SLC4A11: variants seen among roughly 807,000 people sequenced by gnomAD.
SLC4A11 encodes solute carrier family 4 member 11.
In SLC4A11, 74 loss-of-function variants were observed where a neutral mutation model predicts 95.0. The ratio of observed to expected loss-of-function variants is 0.78; its 90% confidence interval spans 0.65 to 0.95. The LOEUF (loss-of-function observed/expected upper bound fraction) is 0.95. SLC4A11 is among the 40% of genes least tolerant of loss of function. SLC4A11 has a pLI of 0.00. For synonymous variants in SLC4A11, 548 were observed against 519.0 expected (o/e 1.06, Z -0.76); for missense variants, 1,081 against 1,192.4 (o/e 0.91, Z 1.38).
intron 1 of SLC4A11, chr20:3,237,933 C>T (rs962276732): frequency 3.2e-6 from 5 of 1,550,632 alleles, no homozygotes; most frequent in Non-Finnish European, 3.5e-6. Flanking sequence ...AACCCTGCCC[C>T]GCTGCAGCGA....
At chr20:3,235,325 A>T (rs892281997) in intron 2 of SLC4A11, among the ~76,000 whole-genome samples, 134 of 148,290 alleles carry the variant, frequency 9.0e-4, no homozygotes, top group Admixed American at 1.9e-3. Flanking sequence ...ACACACACAC[A>T]CACACACACA....
rs545561119 is a variant in SLC4A11 at position 3,233,690 on chromosome 20, C to G, written c.606-53G>C. On this transcript the variant is annotated intron_variant, in intron 6 of 19. Transcript: ENST00000642402. Reference sequence around the variant, plus strand: ...ACAGTTGCACCCCAGGGAGCTGGGGCTCCCCGACCCAGAACCCCCTCGACC... The same window carrying G: ...ACAGTTGCACCCCAGGGAGCTGGGGGTCCCCGACCCAGAACCCCCTCGACC... 4.4e-6 allele frequency: 7 copies of G among 1,604,794 alleles called. No homozygotes were observed. In the East Asian group the frequency reaches 8.9e-5, roughly 20 times the overall value.
chr20:3,233,638 C>G lies in SLC4A11; in HGVS notation c.606-1G>C. On this transcript the variant is annotated splice_acceptor_variant, in intron 6 of 19. Transcript: ENST00000642402. LOFTEE classifies it high-confidence loss of function. Reference sequence around the variant, plus strand: ...CTTCTGTAGGGCCTTCATGGTACAGCTGGCAGGGGCGGGGAGGACACAGTG... The same window carrying G: ...CTTCTGTAGGGCCTTCATGGTACAGGTGGCAGGGGCGGGGAGGACACAGTG... The G allele has an allele frequency of 6.2e-7, 1 of 1,612,268 alleles. No individual in the cohort carries two copies. The highest frequency in any genetic ancestry group is 8.5e-7 in the Non-Finnish European group (1 of 1,180,000).
At chr20:3,228,050 T>C in intron 19 of SLC4A11, among the ~76,000 whole-genome samples, 194 bp from the exon 20 acceptor site, 1 of 104,724 alleles carries the variant, frequency 9.5e-6, no homozygotes, top group Non-Finnish European at 2.0e-5. Flanking sequence ...CCGCCCACTC[T>C]CCACCTCTAG....
Position 3,234,979 on chromosome 20 carries a change from C to T in SLC4A11, c.89-85G>A. On this transcript the variant is annotated intron_variant, in intron 2 of 19. Coordinates refer to ENST00000642402, the MANE Select transcript of SLC4A11 (RefSeq NM_001174089.2). The surrounding 1 kb of genome is among the most constrained non-coding windows in gnomAD (Gnocchi z 5.8). Reference sequence around the variant, plus strand: ...GGCTCCAAGCCCAGGGAGCAGGGACCCCTGGACTGTCCCACTCTCGGGCCG... The same window carrying T: ...GGCTCCAAGCCCAGGGAGCAGGGACTCCTGGACTGTCCCACTCTCGGGCCG... 6.4e-7 allele frequency: 1 copy of T among 1,561,648 alleles called. No homozygotes were observed. The highest frequency in any genetic ancestry group is 8.8e-7 in the Non-Finnish European group (1 of 1,136,790).
intron 13 of SLC4A11, 96 bp from the exon 14 acceptor site, chr20:3,229,872 G>A (rs1419502413): frequency 3.2e-6 from 5 of 1,551,348 alleles, no homozygotes; most frequent in Non-Finnish European, 4.4e-6. Flanking sequence ...GCTCCAGGGG[G>A]AAGGTGAGGG....
Position 3,228,494 on chromosome 20 carries a change from G to A in SLC4A11, c.2388+18C>T, listed in dbSNP as rs777119648. The stretch of plus-strand genomic sequence containing the variant: ...GTGTCCCCACCCACGCCACTCCCTC[G>A]CAGGGCCAAGCGCTCACCTGCTCCT... On this transcript the variant is annotated intron_variant, in intron 18 of 19. Transcript: ENST00000642402. The A allele has an allele frequency of 2.6e-5, 42 of 1,612,828 alleles. No individual in the cohort carries two copies. Among genetic ancestry groups the A allele is most frequent in the Middle Eastern group, 1.6e-4 (1 of 6,082 alleles).
In SLC4A11 at chr20:3,234,894, C is replaced by A. The variant is rs749897720; in HGVS notation, c.89G>T (p.Ser30Ile). The change falls in exon 3 of 20, where the codon AGC becomes ATC. Residue 30 changes from serine (S) to isoleucine (I), a missense_variant and splice_region_variant. By Grantham distance (142) the Ser-to-Ile change is moderately radical. Transcript: ENST00000642402. This position sits in a 1 kb window ranked among gnomAD's most constrained non-coding sequence, Gnocchi z 5.8. ...MSQNGYFEDS[S>I]YYKCDTDDTF... is the part of the protein sequence containing the mutation. ...GTCATCTGTGTCACACTTGTAGTAG[C>A]CTAGAGACCCCCAAGAGCAAGAGGG... The A allele has an allele frequency of 1.4e-5, 23 of 1,613,716 alleles. No individual in the cohort carries two copies. The Admixed American group carries it at 3.8e-4, about 27-fold the overall frequency.
intron 1 of SLC4A11, chr20:3,238,137 T>TCC: frequency 6.9e-7 from 1 of 1,446,790 alleles, no homozygotes; most frequent in Non-Finnish European, 9.1e-7. Context: ...CGGTCTCCAG[T>TCC]CCTGGGACCG....
In SLC4A11 at chr20:3,234,731, A is replaced by G; in HGVS notation, c.241+11T>C. 6.2e-7 allele frequency: 1 copy of G among 1,613,954 alleles called. No homozygotes were observed. Among genetic ancestry groups the G allele is most frequent in the Non-Finnish European group, 8.5e-7 (1 of 1,180,004 alleles). The stretch of plus-strand genomic sequence containing the variant: ...CCTTCCCCCAGTCTGCCCCTGCTGC[A>G]GCCCCCATACCAGTGTTGGTGGCCT... On this transcript the variant is annotated intron_variant, in intron 3 of 19. Transcript: ENST00000642402. This position sits in a 1 kb window ranked among gnomAD's most constrained non-coding sequence, Gnocchi z 5.8.
At chr20:3,236,737 C>G (rs1017922079) in intron 2 of SLC4A11, among the ~76,000 whole-genome samples, 1 of 152,138 alleles carries the variant, frequency 6.6e-6, no homozygotes, top group Non-Finnish European at 1.5e-5. Context: ...CCCCTCTGCC[C>G]CTCAACCAGC....
chr20:3,237,661 GC>G, intron 1 of SLC4A11, 73 bp from the exon 2 acceptor site: 1 of 1,613,922 alleles, frequency 6.2e-7, no homozygotes, highest in Non-Finnish European at 8.5e-7. Flanking sequence ...CTGTCTCCCC[GC>G]CCCCCGACCT....
intron 13 of SLC4A11, 53 bp from the exon 14 acceptor site, chr20:3,229,829 G>A: frequency 6.2e-7 from 1 of 1,612,232 alleles, no homozygotes. Context: ...GGCAGGGGGA[G>A]GCCCTGGAGG....
intron 19 of SLC4A11, 146 bp downstream of exon 19, chr20:3,228,113 A>G: frequency 1.1e-6 from 1 of 946,896 alleles, no homozygotes; most frequent in Non-Finnish European, 1.5e-6. Context: ...CTCCACCCCT[A>G]GGCAGGACCC....
chr20:3,231,038 C>A lies in SLC4A11; in HGVS notation c.1063G>T (p.Ala355Ser). Residue 355 changes from alanine (A) to serine (S), a missense_variant, in exon 10 of 20, where the codon GCT (alanine) becomes TCT (serine). By Grantham distance (99) the Ala-to-Ser change is moderately conservative. This residue lies in a region of SLC4A11 where 767 missense variants were observed against 858.0 expected (regional missense o/e 0.89). Transcript: ENST00000642402. This position sits in a 1 kb window ranked among gnomAD's most constrained non-coding sequence, Gnocchi z 5.2. ...FTDGIIGKNKAVGKYITTTLF... is the reference protein window; with the variant it reads ...FTDGIIGKNKSVGKYITTTLF... ...GTGGTGGTGATGTATTTGCCCACAG[C>A]CTTGTTTTTCCCAATAATGCCTAGG... 1 of 1,613,974 alleles carries A rather than the reference C, an allele frequency of 6.2e-7. No individual in the cohort carries two copies. Among genetic ancestry groups the A allele is most frequent in the Admixed American group, 1.7e-5 (1 of 60,024 alleles).
chr20:3,234,320 G>C lies in SLC4A11; in HGVS notation c.292-6C>G, dbSNP rs2067893615. ...AAGTTCTTTAACTTCAGGTACTGAG[G>C]GGACCCCAGGGACAGAACCACACGG... On this transcript the variant is annotated splice_polypyrimidine_tract_variant and splice_region_variant and intron_variant, in intron 4 of 19. Coordinates refer to ENST00000642402, the MANE Select transcript of SLC4A11 (RefSeq NM_001174089.2). This position sits in a 1 kb window ranked among gnomAD's most constrained non-coding sequence, Gnocchi z 5.8. The C allele has an allele frequency of 6.2e-7, 1 of 1,612,746 alleles. No individual in the cohort carries two copies. Among genetic ancestry groups the C allele is most frequent in the East Asian group, 2.2e-5 (1 of 44,856 alleles).
intron 7 of SLC4A11, 43 bp downstream of exon 7, chr20:3,233,471 C>G (rs370076037): frequency 2.3e-5 from 37 of 1,611,044 alleles, no homozygotes; most frequent in Non-Finnish European, 2.9e-5. Context: ...GCGGGTAACC[C>G]GGGGCCCTCC....
chr20:3,230,352 C>T, intron 12 of SLC4A11, 92 bp from the exon 13 acceptor site: 1 of 1,576,948 alleles, frequency 6.3e-7, no homozygotes, highest in Non-Finnish European at 8.7e-7. Flanking sequence ...CCCCTGCCTC[C>T]CCCTGCCAGG....
intron 2 of SLC4A11, among the ~76,000 whole-genome samples, chr20:3,236,907 A>G (rs959294943): frequency 1.1e-4 from 17 of 152,258 alleles, no homozygotes; most frequent in African/African-American, 3.1e-4. Context: ...TGCAATGCCA[A>G]GTCCTAGTCC....
Sources: gnomAD v4.1 joint callset for allele counts (sites outside exome capture counted in the v4.1 genomes callset) on GRCh38, gnomAD v4.1.1 for gene constraint, gnomAD v4.1.1 regional missense constraint, Gnocchi (gnomAD v3.1) non-coding constraint, MANE v1.5 for transcripts, NCBI Gene and HGNC (gene_info 2026-07-23, HGNC 2026-07-21) for gene names.